Variants in KLRK1 observed in about 807,000 individuals in gnomAD.
KLRK1 encodes the protein NKG2-D type II integral membrane protein.
A neutral mutation model predicts 31.3 loss-of-function variants in KLRK1; 40 were observed. The ratio of observed to expected loss-of-function variants is 1.28; its 90% CI spans 0.99 to 1.67. The LOEUF (loss-of-function observed/expected upper bound fraction) is 1.67, where lower values mean the gene tolerates loss of function less well. Ranked by LOEUF, KLRK1 falls within the 40% of genes most tolerant of loss-of-function variation. The pLI is 0.00. For missense variants in KLRK1, 251 were observed against 260.0 expected, an observed-to-expected ratio of 0.97 and a Z score of 0.24; for synonymous variants, 77 against 77.3, an observed-to-expected ratio of 1.00 and a Z score of 0.02.
intron 7 of KLRK1, among the ~76,000 whole-genome samples, chr12:10,377,531 A>T (rs1382222792): frequency 1.1e-4 from 17 of 151,948 alleles, no homozygotes; most frequent in Non-Finnish European, 2.4e-4. Flanking sequence ...ATTGCAAATG[A>T]TATATATTGT....
At chr12:10,379,120 C>T (rs556693983) in intron 5 of KLRK1, 50 of 168,966 alleles carry the variant, frequency 3.0e-4, no homozygotes, top group African/African-American at 1.2e-3. Context: ...GAGGCTGAGG[C>T]ATGAGAATTG....
chr12:10,378,736 C>T (rs1170518834), intron 5 of KLRK1, 31 bp from the exon 6 acceptor site: 1 of 1,558,520 alleles, frequency 6.4e-7, no homozygotes, highest in Non-Finnish European at 8.6e-7. Context: ...ATTAATTCTA[C>T]ACATCTGAAC....
rs1389043353 is a variant in KLRK1 at position 10,378,637 on chromosome 12, C to G, written c.346G>C (p.Glu116Gln). Reference sequence around the variant, plus strand: ...TGGCTCTCATACCAGTTTTTACTCTCATCAAAAAATTGGTAGCAGTTATTT... The same window carrying G: ...TGGCTCTCATACCAGTTTTTACTCTGATCAAAAAATTGGTAGCAGTTATTT... ...YKNNCYQFFD[E>Q]SKNWYESQAS... The change falls in exon 6 of 8, where the codon GAG (glutamate) becomes CAG (glutamine). Residue 116 changes from glutamate (E) to glutamine (Q), a missense_variant. Transcript: ENST00000240618. The G allele has an allele frequency of 6.2e-7, 1 of 1,609,980 alleles. No homozygotes were observed. Among genetic ancestry groups the G allele is most frequent in the East Asian group, 2.2e-5 (1 of 44,854 alleles).
chr12:10,379,714 G>T lies in KLRK1; in HGVS notation c.227C>A (p.Ala76Asp), dbSNP rs774264165. 9.3e-6 allele frequency: 15 copies of T among 1,609,480 alleles called. 1 individual carries two copies. The Middle Eastern group carries it at 5.0e-4, about 53-fold the overall frequency. Residue 76 changes from alanine (A) to aspartate (D), a missense_variant, in exon 4 of 8, where the codon GCT (alanine) becomes GAT (aspartate). Physicochemically the swap from Ala to Asp is moderately radical, Grantham distance 126. Coordinates refer to ENST00000240618, the MANE Select transcript of KLRK1 (RefSeq NM_007360.4). ...RFIIMVTIWS[A>D]VFLNSLFNQE... ...TTGTCACTTACAGTTTAGGAATACA[G>T]CACTCCATATTGTTACCATAATAAT...
intron 7 of KLRK1, chr12:10,373,886 T>C (rs1591577539): frequency 6.6e-6 from 1 of 152,314 alleles, no homozygotes; most frequent in East Asian, 1.9e-4. Context: ...CAATGTAAAA[T>C]TGACAAAAAA....
intron 3 of KLRK1, among the ~76,000 whole-genome samples, chr12:10,382,721 C>T (rs1342750381): frequency 6.6e-6 from 1 of 152,140 alleles, no homozygotes; most frequent in African/African-American, 2.4e-5. Context: ...TGTGGTGCCT[C>T]AACCACTCAG....
chr12:10,384,143 TAGAC>T (rs1406774583), intron 3 of KLRK1, among the ~76,000 whole-genome samples: 1 of 152,046 alleles, frequency 6.6e-6, no homozygotes, highest in Non-Finnish European at 1.5e-5. Flanking sequence ...CTCATGTTCA[TAGAC>T]AGAAAGAATA....
intron 2 of KLRK1, 143 bp from the exon 3 acceptor site, chr12:10,387,153 T>C: frequency 1.7e-6 from 1 of 576,416 alleles, no homozygotes; most frequent in Non-Finnish European, 3.0e-6. Context: ...TTACTTTTGT[T>C]TTATAGTACT....
At chr12:10,377,933 G>A (rs975308103) in intron 7 of KLRK1, among the ~76,000 whole-genome samples, 199 bp downstream of exon 7, 1 of 152,128 alleles carries the variant, frequency 6.6e-6, no homozygotes, top group African/African-American at 2.4e-5. Context: ...TAAACAATTT[G>A]TATTACTTAC....
At chr12:10,379,847 C>T (rs1317780515) in intron 3 of KLRK1, 55 bp from the exon 4 acceptor site, 2 of 1,474,208 alleles carry the variant, frequency 1.4e-6, no homozygotes, top group African/African-American at 1.4e-5. Flanking sequence ...GTTTGGGTAT[C>T]TTTGTATTTA....
intron 3 of KLRK1, among the ~76,000 whole-genome samples, chr12:10,380,607 A>G (rs1863057044): frequency 6.6e-6 from 1 of 152,148 alleles, no homozygotes; most frequent in Admixed American, 6.5e-5. Flanking sequence ...AGCAGGTGAC[A>G]TGGATCAGCT....
chr12:10,375,546 T>C (rs1215088749), intron 7 of KLRK1, among the ~76,000 whole-genome samples: 1 of 152,224 alleles, frequency 6.6e-6, no homozygotes, highest in African/African-American at 2.4e-5. Context: ...TTGTTGTGAC[T>C]TTTTATTACA....
At chr12:10,380,716 A>C (rs1863058895) in intron 3 of KLRK1, among the ~76,000 whole-genome samples, 1 of 152,164 alleles carries the variant, frequency 6.6e-6, no homozygotes, top group African/African-American at 2.4e-5. Flanking sequence ...TAGGTATAGG[A>C]GAGCTCCACA....
chr12:10,384,041 A>T (rs903345419), intron 3 of KLRK1, among the ~76,000 whole-genome samples: 12 of 152,144 alleles, frequency 7.9e-5, no homozygotes, highest in African/African-American at 2.9e-4. Context: ...CCCTGGAATA[A>T]ATTTAATCAC....
At chr12:10,373,745 TTCTATA>T (rs763117105) in intron 7 of KLRK1, among the ~76,000 whole-genome samples, 1 of 95,854 alleles carries the variant, frequency 1.0e-5, no homozygotes, top group South Asian at 3.1e-4. Flanking sequence ...ATGTGGAGAT[TTCTATA>T]TCTATATATG....
In KLRK1 at chr12:10,378,649, G is replaced by A. The variant is rs1412993115; in HGVS notation, c.334C>T (p.Gln112Ter). ...NWICYKNNCY[Q>*]FFDESKNWYE... Reference sequence around the variant, plus strand: ...CAGTTTTTACTCTCATCAAAAAATTGGTAGCAGTTATTTTTGTAACATATC... The same window carrying A: ...CAGTTTTTACTCTCATCAAAAAATTAGTAGCAGTTATTTTTGTAACATATC... Residue 112 changes from glutamine to a stop codon, truncating the protein, a stop_gained, in exon 6 of 8, where the codon CAA becomes TAA. Transcript: ENST00000240618. LOFTEE classifies it high-confidence loss of function. The A allele has an allele frequency of 6.2e-7, 1 of 1,609,866 alleles. No individual in the cohort carries two copies. Among genetic ancestry groups the A allele is most frequent in the Non-Finnish European group, 8.5e-7 (1 of 1,179,158 alleles).
At chr12:10,387,052 C>T in intron 2 of KLRK1, 42 bp from the exon 3 acceptor site, 1 of 1,509,934 alleles carries the variant, frequency 6.6e-7, no homozygotes, top group Non-Finnish European at 9.0e-7. Flanking sequence ...CATGGCCTTT[C>T]TGCCATTTGG....
At chr12:10,378,272 G>C (rs760249259) in intron 6 of KLRK1, 37 bp from the exon 7 acceptor site, 8 of 1,593,944 alleles carry the variant, frequency 5.0e-6, no homozygotes, top group Non-Finnish European at 6.9e-6. Context: ...AGTAAAATCA[G>C]TGTTGATAAT....
In KLRK1 at chr12:10,373,027, T is replaced by A; in HGVS notation, c.*87A>T. The stretch of plus-strand genomic sequence containing the variant: ...CTTTGGTCATTTTGTCCTGTTTTTG[T>A]TTGTTTCCTTTAGTCTCAGTTGGCA... On this transcript the variant is annotated 3_prime_UTR_variant, in exon 8 of 8. Transcript: ENST00000240618. 1 of 1,210,578 alleles carries A rather than the reference T, an allele frequency of 8.3e-7. No homozygotes were observed. Among genetic ancestry groups the A allele is most frequent in the Non-Finnish European group, 1.2e-6 (1 of 839,340 alleles). 75.0% of individuals were successfully genotyped at this position (1,210,578 alleles called of 1,614,324 possible).
Sources: allele counts gnomAD v4.1 joint callset (sites outside exome capture counted in the v4.1 genomes callset), GRCh38; gene constraint gnomAD v4.1.1; transcripts MANE v1.5; gene names NCBI Gene and HGNC (gene_info 2026-07-23, HGNC 2026-07-21).